AFF2: variants seen among roughly 807,000 people sequenced by gnomAD.
AFF2 encodes AF4/FMR2 family member 2.
In AFF2, 14 loss-of-function variants were observed where a neutral mutation model predicts 76.9. That is an observed-to-expected ratio of 0.18 (90% CI 0.12 to 0.28). The LOEUF (loss-of-function observed/expected upper bound fraction) is 0.28, where lower values mean the gene tolerates loss of function less well. Ranked by LOEUF, AFF2 falls within the 10% of genes least tolerant of loss-of-function variation. AFF2 has a pLI of 1.00. For missense variants in AFF2, 868 were observed against 1,001.1 expected, an observed-to-expected ratio of 0.87 and a Z score of 1.79; for synonymous variants, 398 against 366.7, an observed-to-expected ratio of 1.09 and a Z score of -0.98.
At chrX:148,702,551 A>G (rs2054814244) in intron 3 of AFF2, among the ~76,000 whole-genome samples, 1 of 111,717 alleles carries the variant, frequency 9.0e-6, no homozygotes, top group South Asian at 3.7e-4. Flanking sequence ...GGTTCCCTTC[A>G]CCAAGTGAAT....
chrX:148,946,149 G>T (rs1248016693), intron 9 of AFF2, among the ~76,000 whole-genome samples: 3 of 112,330 alleles, frequency 2.7e-5, no homozygotes, highest in African/African-American at 9.7e-5. Context: ...ATCGAAAAAT[G>T]TAAAAAGCCG....
intron 10 of AFF2, 43 bp downstream of exon 10, chrX:148,953,782 C>G (rs782213924): frequency 9.5e-7 from 1 of 1,054,643 alleles, no homozygotes; most frequent in Middle Eastern, 2.6e-4. Flanking sequence ...CTGCCTGTCC[C>G]ACAGGCAGCA....
chrX:148,933,048 T>C (rs1009964373), intron 9 of AFF2, among the ~76,000 whole-genome samples: 1 of 112,124 alleles, frequency 8.9e-6, no homozygotes, highest in African/African-American at 3.2e-5. Context: ...TAGAGATGGA[T>C]GAGTTAGAGC....
chrX:148,944,644 G>A (rs2071878398), intron 9 of AFF2, among the ~76,000 whole-genome samples: 3 of 111,309 alleles, frequency 2.7e-5, no homozygotes, highest in Non-Finnish European at 1.9e-5. Flanking sequence ...TATTTCCATA[G>A]AAACCGAAAT....
intron 3 of AFF2, among the ~76,000 whole-genome samples, chrX:148,800,932 A>G (rs2070050107): frequency 8.9e-6 from 1 of 112,545 alleles, no homozygotes; most frequent in South Asian, 3.7e-4. Context: ...TTCTAAAGGA[A>G]TGATTTCTCT....
At chrX:148,957,129 T>A (rs1569557670) in intron 11 of AFF2, among the ~76,000 whole-genome samples, 2 of 111,848 alleles carry the variant, frequency 1.8e-5, no homozygotes, top group African/African-American at 6.5e-5. Flanking sequence ...TAAGGTGAAA[T>A]CCAGAGTGGC....
chrX:148,818,814 C>G (rs1252249065), intron 4 of AFF2, among the ~76,000 whole-genome samples: 1 of 110,844 alleles, frequency 9.0e-6, no homozygotes, highest in South Asian at 3.8e-4. Context: ...AGGTTTCAAT[C>G]TGTAGATTAT....
At position 148,734,599 on chromosome X, in the gene AFF2, G is replaced by A. The variant is rs181714336; in HGVS notation, c.1041+71831G>A. 4.1e-4 allele frequency among the ~76,000 whole-genome samples: 46 copies of A among 111,628 alleles called. 1 individual carries two copies. In the East Asian group the frequency reaches 0.012, roughly 30 times the overall value. On this transcript the variant is annotated intron_variant, in intron 3 of 20. Transcript: ENST00000370460. ...TCTACTGAAGATGGGTCATTCTCTT[G>A]TTTGTCTTAGGCTAACCAGTGTCAC...
rs782500065 is a variant in AFF2, at chrX:148,558,023, A to G, written c.47+56879A>G. ...GGGTCTGCACATTTTGCCACACCTGATGCTTCAATACATTTGATAAACACA... is the reference window on the plus strand; with the variant it reads ...GGGTCTGCACATTTTGCCACACCTGGTGCTTCAATACATTTGATAAACACA... On this transcript the variant is annotated intron_variant, in intron 1 of 20. Coordinates refer to ENST00000370460, the MANE Select transcript of AFF2 (RefSeq NM_002025.4). Among the ~76,000 whole-genome samples the G allele has an allele frequency of 3.6e-5, 4 of 112,088 alleles. No homozygotes were observed. In the South Asian group the frequency reaches 1.5e-3, roughly 42 times the overall value.
At chrX:148,927,798 T>C (rs1278737158) in intron 9 of AFF2, among the ~76,000 whole-genome samples, 2 of 112,079 alleles carry the variant, frequency 1.8e-5, no homozygotes, top group African/African-American at 6.5e-5. Context: ...GATGTTACAA[T>C]GTTTTTACAC....
At chrX:148,640,103 G>T (rs2054072110) in intron 1 of AFF2, among the ~76,000 whole-genome samples, 1 of 112,524 alleles carries the variant, frequency 8.9e-6, no homozygotes, top group South Asian at 3.6e-4. Flanking sequence ...AAAATAGCTT[G>T]CCTAGAAGAA....
At chrX:148,764,060 A>G (rs2069483426) in intron 3 of AFF2, among the ~76,000 whole-genome samples, 1 of 112,329 alleles carries the variant, frequency 8.9e-6, no homozygotes. Flanking sequence ...GAAAATTGTC[A>G]TAATGGTGCC....
chrX:148,704,282 A>G (rs1278204181), intron 3 of AFF2, among the ~76,000 whole-genome samples: 1 of 49,885 alleles, frequency 2.0e-5, no homozygotes, highest in East Asian at 4.9e-4. Context: ...TTATATATAT[A>G]TGTGTGTATA....
intron 19 of AFF2, among the ~76,000 whole-genome samples, chrX:148,985,319 T>TA (rs2072457201): frequency 2.4e-5 from 2 of 84,863 alleles, no homozygotes; most frequent in Admixed American, 1.4e-4. Flanking sequence ...TTTTTTTTTT[T>TA]ATGATACAGC....
At chrX:148,513,550 C>T (rs1393809005) in intron 1 of AFF2, among the ~76,000 whole-genome samples, 2 of 111,406 alleles carry the variant, frequency 1.8e-5, no homozygotes, top group African/African-American at 3.3e-5. Flanking sequence ...GTTTTAAATT[C>T]GTGGCTGGCT....
chrX:148,992,211 G>A lies in AFF2; in HGVS notation c.*879G>A, dbSNP rs2072541455. 8.9e-6 allele frequency: 1 copy of A among 111,931 alleles called. No individual in the cohort carries two copies. The highest frequency in any genetic ancestry group is 9.4e-5 in the Admixed American group (1 of 10,590). The allele number at this position is 111,931 out of a possible 1,213,427, so 9.2% of individuals were successfully genotyped here. A position where few individuals can be genotyped will look rare whatever the true frequency, so the allele number is the denominator to read the frequency against. ...ACAAGTGGGAGTTAAGAGAGGTCTG[G>A]AAAGTGTCCAACAAGGAATTCACAC... is the stretch of plus-strand genomic sequence containing the variant. On this transcript the variant is annotated 3_prime_UTR_variant, in exon 21 of 21. Transcript: ENST00000370460.
chrX:148,765,398 T>C (rs1436072188), intron 3 of AFF2, among the ~76,000 whole-genome samples: 1 of 111,802 alleles, frequency 8.9e-6, no homozygotes, highest in Non-Finnish European at 1.9e-5. Context: ...TATTGTAGAT[T>C]GTGAAACTCC....
intron 3 of AFF2, among the ~76,000 whole-genome samples, chrX:148,802,058 T>C (rs1603303478): frequency 8.9e-6 from 1 of 112,467 alleles, no homozygotes; most frequent in African/African-American, 3.2e-5. Context: ...CTTGCTTCCA[T>C]ACACACTTTA....
At position 148,630,259 on chromosome X, in the gene AFF2, G is replaced by T. The variant is rs782425115; in HGVS notation, c.48-21740G>T. On this transcript the variant is annotated intron_variant, in intron 1 of 20. Transcript: ENST00000370460. ...GCCTGAAGGTAGCCATTTCCCAGGG[G>T]GCATTAAAGTCCCTCACTGGGCTTA... Among the ~76,000 whole-genome samples the T allele has an allele frequency of 2.7e-5, 3 of 111,672 alleles. No individual in the cohort carries two copies. In the South Asian group the frequency reaches 1.1e-3, roughly 42 times the overall value.
Sources: allele counts gnomAD v4.1 joint callset (sites outside exome capture counted in the v4.1 genomes callset), GRCh38; gene constraint gnomAD v4.1.1; transcripts MANE v1.5; gene names NCBI Gene and HGNC (gene_info 2026-07-23, HGNC 2026-07-21).